CNBD1: variants seen among roughly 807,000 people sequenced by gnomAD.
CNBD1 encodes the protein cyclic nucleotide binding domain containing 1.
Under a neutral mutation model 54.4 loss-of-function variants are expected in CNBD1, and 71 were observed. The observed-to-expected ratio is 1.30, with a 90% CI of 1.08 to 1.59. The LOEUF is 1.59. CNBD1 is among the 40% of genes most tolerant of loss of function. The probability of loss-of-function intolerance (pLI) is 0.00; values close to 1 mark genes in which losing one functional copy is unlikely to be tolerated. For synonymous variants in CNBD1, 182 were observed against 170.7 expected (o/e 1.07, Z -0.51); for missense variants, 659 against 518.0 (o/e 1.27, Z -2.64).
intron 4 of CNBD1, among the ~76,000 whole-genome samples, chr8:87,078,297 A>C (rs898561992): frequency 2.0e-5 from 3 of 152,240 alleles, no homozygotes; most frequent in Non-Finnish European, 4.4e-5. Context: ...ATATTTCTGC[A>C]ATTTTACTTT....
intron 8 of CNBD1, among the ~76,000 whole-genome samples, chr8:87,339,711 G>C (rs141148974): frequency 2.4e-3 from 362 of 151,678 alleles, no homozygotes; most frequent in African/African-American, 8.5e-3. Flanking sequence ...GGTTACTGTG[G>C]GGCTTACATA....
In CNBD1 at chr8:87,341,875, G is replaced by A. The variant is rs561396664; in HGVS notation, c.1043-9810G>A. Among the ~76,000 whole-genome samples, 196 of 152,220 alleles carry A rather than the reference G, an allele frequency of 1.3e-3. 1 individual carries two copies. Among genetic ancestry groups the A allele is most frequent in the African/African-American group, 4.3e-3 (180 of 41,466 alleles). On this transcript the variant is annotated intron_variant, in intron 8 of 10. Transcript: ENST00000518476. The stretch of plus-strand genomic sequence containing the variant: ...GCTCTTTATAAATTACCCAGTCTTA[G>A]ATATTCTATTATAGCAGTACGAAAC...
At chr8:87,178,860 T>A (rs1813252864) in intron 4 of CNBD1, among the ~76,000 whole-genome samples, 1 of 152,226 alleles carries the variant, frequency 6.6e-6, no homozygotes, top group African/African-American at 2.4e-5. Context: ...ATCTTGAACA[T>A]TTCTTCTACA....
At chr8:87,356,603 C>A (rs191632724) in intron 10 of CNBD1, among the ~76,000 whole-genome samples, 1 of 152,118 alleles carries the variant, frequency 6.6e-6, no homozygotes, top group Non-Finnish European at 1.5e-5. Flanking sequence ...AACGTACAAT[C>A]ATATATGAGC....
At chr8:87,046,364 A>G (rs116391731) in intron 4 of CNBD1, among the ~76,000 whole-genome samples, 1,528 of 152,212 alleles carry the variant, frequency 0.01, 22 homozygotes, top group African/African-American at 0.034. Flanking sequence ...TCTCCATACC[A>G]TGTTATGGAA....
At chr8:87,138,179 T>C (rs756367231) in intron 4 of CNBD1, among the ~76,000 whole-genome samples, 11 of 152,148 alleles carry the variant, frequency 7.2e-5, no homozygotes, top group Non-Finnish European at 1.5e-4. Context: ...ATTTTTGTCT[T>C]CCTATTTGTT....
intron 10 of CNBD1, among the ~76,000 whole-genome samples, chr8:87,371,583 C>T (rs1377877421): frequency 6.6e-6 from 1 of 151,952 alleles, no homozygotes; most frequent in East Asian, 1.9e-4. Context: ...ATGCAGAAAT[C>T]CTCAATAAAA....
chr8:87,237,202 CT>C, intron 6 of CNBD1, 90 bp downstream of exon 6: 1 of 645,326 alleles, frequency 1.5e-6, no homozygotes, highest in Non-Finnish European at 2.6e-6. Flanking sequence ...GATCCAATAT[CT>C]TTAGAGTCCT....
chr8:87,032,978 C>T (rs1007522117), intron 4 of CNBD1, among the ~76,000 whole-genome samples: 1 of 152,182 alleles, frequency 6.6e-6, no homozygotes, highest in African/African-American at 2.4e-5. Flanking sequence ...CCCACTCCCT[C>T]TTTGCTGTAT....
At chr8:87,160,656 A>G (rs1484324848) in intron 4 of CNBD1, among the ~76,000 whole-genome samples, 3 of 152,158 alleles carry the variant, frequency 2.0e-5, no homozygotes, top group Non-Finnish European at 4.4e-5. Context: ...TTAAAAGTCA[A>G]AATAAAAATC....
In CNBD1 at chr8:87,261,529, CAAAAAAA is replaced by C. The variant is rs34576530; in HGVS notation, c.772-23137_772-23131del. ...TGGTGGAAGAAGTTTTATTTATAGACAAAAAAAAAAAAAAAAAAGAGAAATGACATAC... is the reference window on the plus strand; with the variant it reads ...TGGTGGAAGAAGTTTTATTTATAGACAAAAAAAAAAAGAGAAATGACATAC... On this transcript the variant is annotated intron_variant, in intron 6 of 10. Coordinates refer to ENST00000518476, the MANE Select transcript of CNBD1 (RefSeq NM_173538.3). Among the ~76,000 whole-genome samples, 472 of 120,246 alleles carry C rather than the reference CAAAAAAA, an allele frequency of 3.9e-3. 4 individuals are homozygous for C. Among genetic ancestry groups the C allele is most frequent in the African/African-American group, 0.014 (455 of 33,158 alleles). The allele number at this position is 120,246 out of a possible 152,430, so 78.9% of individuals were successfully genotyped here.
At chr8:86,949,709 T>A (rs1273753762) in intron 4 of CNBD1, among the ~76,000 whole-genome samples, 1 of 151,898 alleles carries the variant, frequency 6.6e-6, no homozygotes. Flanking sequence ...TGCCCTTTAT[T>A]TTTTTTCTTT....
downstream of CNBD1, among the ~76,000 whole-genome samples, chr8:87,385,598 G>A (rs1387537254): frequency 6.6e-6 from 1 of 152,122 alleles, no homozygotes; most frequent in Non-Finnish European, 1.5e-5. Flanking sequence ...CGAGGCTTGA[G>A]TAGGTAAACA....
intron 4 of CNBD1, among the ~76,000 whole-genome samples, chr8:86,998,878 G>T (rs1808935387): frequency 6.6e-6 from 1 of 152,078 alleles, no homozygotes; most frequent in African/African-American, 2.4e-5. Context: ...CCTTATGCTG[G>T]ACCCTCAAAG....
rs572340366 is a variant in CNBD1 at position 87,325,295 on chromosome 8, G to C, written c.1043-26390G>C. Among the ~76,000 whole-genome samples the C allele has an allele frequency of 8.4e-5, 8 of 94,788 alleles. 2 individuals are homozygous for C. In the East Asian group the frequency reaches 1.7e-3, roughly 20 times the overall value. 62.2% of individuals were successfully genotyped at this position (94,788 alleles called of 152,430 possible). A position where few individuals can be genotyped will look rare whatever the true frequency, so the allele number is the denominator to read the frequency against. On this transcript the variant is annotated intron_variant, in intron 8 of 10. Coordinates refer to ENST00000518476, the MANE Select transcript of CNBD1 (RefSeq NM_173538.3). ...GTATATTCTGTTGATTTGGGGTAGA[G>C]AGTTCTGTAGATGTCTATTAGGTCC...
At chr8:87,379,504 A>G (rs947992241) in intron 10 of CNBD1, among the ~76,000 whole-genome samples, 2 of 152,048 alleles carry the variant, frequency 1.3e-5, no homozygotes, top group Non-Finnish European at 2.9e-5. Flanking sequence ...CAGCAAATGT[A>G]AAAGAACAGA....
At chr8:87,355,091 G>A (rs377508193) in intron 10 of CNBD1, among the ~76,000 whole-genome samples, 2 of 152,166 alleles carry the variant, frequency 1.3e-5, no homozygotes, top group African/African-American at 2.4e-5. Context: ...TTTTAAAAGA[G>A]TAGAGATATT....
intron 4 of CNBD1, among the ~76,000 whole-genome samples, chr8:87,065,695 C>T (rs1259837885): frequency 6.6e-6 from 1 of 151,916 alleles, no homozygotes. Flanking sequence ...TACTTTTCTT[C>T]ATGGCATTAT....
chr8:87,250,053 A>G (rs987584442), intron 6 of CNBD1, among the ~76,000 whole-genome samples: 11 of 152,182 alleles, frequency 7.2e-5, no homozygotes, highest in African/African-American at 9.7e-5. Context: ...CAAATGGGAG[A>G]AAATATTTGC....
Sources: gnomAD v4.1 joint callset for allele counts (sites outside exome capture counted in the v4.1 genomes callset) on GRCh38, gnomAD v4.1.1 for gene constraint, MANE v1.5 for transcripts, NCBI Gene and HGNC (gene_info 2026-07-23, HGNC 2026-07-21) for gene names.